Variants in ZFHX3 observed in about 807,000 individuals in gnomAD.
The protein encoded by ZFHX3 is zinc finger homeobox protein 3.
A neutral mutation model predicts 279.1 loss-of-function variants in ZFHX3; 42 were observed. The ratio of observed to expected loss-of-function variants is 0.15; its 90% CI spans 0.12 to 0.19. The LOEUF (loss-of-function observed/expected upper bound fraction) is 0.19. Ranked by LOEUF, ZFHX3 falls within the 10% of genes least tolerant of loss-of-function variation. ZFHX3 has a pLI of 1.00. For missense variants in ZFHX3, 4,981 were observed against 4,754.0 expected, an observed-to-expected ratio of 1.05 and a Z score of -1.40; for synonymous variants, 2,293 against 1,957.8, an observed-to-expected ratio of 1.17 and a Z score of -4.52.
intron 4 of ZFHX3, among the ~76,000 whole-genome samples, chr16:73,315,267 T>C (rs944315479): frequency 2.6e-5 from 4 of 151,258 alleles, no homozygotes; most frequent in African/African-American, 9.7e-5. Flanking sequence ...TCAAGTGACA[T>C]ATAATGATAC....
chr16:73,882,526 G>T (rs1013795367), intron 1 of ZFHX3, among the ~76,000 whole-genome samples: 2 of 151,550 alleles, frequency 1.3e-5, no homozygotes, highest in African/African-American at 2.4e-5. Context: ...TGAATTTATT[G>T]TGAGATTTCA....
intron 1 of ZFHX3, among the ~76,000 whole-genome samples, chr16:73,747,375 T>C (rs2053713886): frequency 6.6e-6 from 1 of 152,096 alleles, no homozygotes; most frequent in Admixed American, 6.6e-5. Flanking sequence ...AGAGTAAGAC[T>C]CTATCTCCAA....
At position 73,213,942 on chromosome 16, in the gene ZFHX3, C is replaced by T. The variant is rs539352453; in HGVS notation, c.-1104+43105G>A. 2.6e-4 allele frequency among the ~76,000 whole-genome samples: 39 copies of T among 152,288 alleles called. 1 individual carries two copies. The South Asian group carries it at 7.0e-3, about 27-fold the overall frequency. On this transcript the variant is annotated intron_variant, in intron 5 of 17. Transcript: ENST00000641206. ...CTCCAATCTGTAAGCCATCTGCACC[C>T]TTTATTATTAAGAACATATTTACCA... is the stretch of plus-strand genomic sequence containing the variant.
chr16:73,270,341 G>A (rs574990006), intron 4 of ZFHX3, among the ~76,000 whole-genome samples: 4 of 152,204 alleles, frequency 2.6e-5, no homozygotes, highest in East Asian at 3.9e-4. Flanking sequence ...TCTCTCCCAC[G>A]TGCTTAGAAA....
At chr16:73,366,510 T>G in intron 3 of ZFHX3, among the ~76,000 whole-genome samples, 1 of 151,362 alleles carries the variant, frequency 6.6e-6, no homozygotes. Flanking sequence ...GGCAGGAGGA[T>G]TGCTTGAGCC....
intron 4 of ZFHX3, among the ~76,000 whole-genome samples, chr16:72,865,636 G>C (rs2037999570): frequency 1.7e-3 from 1 of 604 alleles, no homozygotes; most frequent in African/African-American, 8.8e-3. Context: ...TACTGAGATG[G>C]AGGGTACCTC....
At chr16:73,106,228 C>A (rs909857193) in intron 7 of ZFHX3, among the ~76,000 whole-genome samples, 9 of 151,876 alleles carry the variant, frequency 5.9e-5, no homozygotes, top group Non-Finnish European at 8.8e-5. Context: ...TTTTTCCATG[C>A]CCACTGCTGG....
intron 1 of ZFHX3, among the ~76,000 whole-genome samples, chr16:73,056,799 C>T (rs1346148264): frequency 6.6e-6 from 1 of 152,196 alleles, no homozygotes; most frequent in African/African-American, 2.4e-5. Flanking sequence ...AATCTTCTCC[C>T]CTCGCCCACT....
chr16:73,559,324 G>T (rs185516210), intron 2 of ZFHX3, among the ~76,000 whole-genome samples: 1 of 151,998 alleles, frequency 6.6e-6, no homozygotes, highest in South Asian at 2.1e-4. Context: ...TTGGGATTAC[G>T]ATCATGAGCC....
Position 73,237,968 on chromosome 16 carries a change from G to T in ZFHX3, c.-1104+19079C>A, listed in dbSNP as rs560284974. ...TTTGCATCTCTACCCAGGGCTATCT[G>T]CTTTCATTCCTACTTTCCCATTAAA... On this transcript the variant is annotated intron_variant, in intron 5 of 17. Coordinates refer to the ZFHX3 transcript ENST00000641206. Among the ~76,000 whole-genome samples the T allele has an allele frequency of 2.0e-5, 3 of 152,176 alleles. 1 individual carries two copies. The Middle Eastern group carries it at 0.01, about 518-fold the overall frequency.
chr16:72,885,629 G>A (rs575506598), intron 4 of ZFHX3, among the ~76,000 whole-genome samples: 1 of 152,312 alleles, frequency 6.6e-6, no homozygotes, highest in East Asian at 1.9e-4. Context: ...CCTGCCTTAG[G>A]AGGAGACATC....
At chr16:72,992,246 G>C (rs950656015) in intron 1 of ZFHX3, among the ~76,000 whole-genome samples, 1 of 152,096 alleles carries the variant, frequency 6.6e-6, no homozygotes, top group Admixed American at 6.6e-5. Context: ...TTATGAGATG[G>C]GTTATCAGCC....
chr16:72,922,023 AG>A (rs1232748574), intron 3 of ZFHX3, among the ~76,000 whole-genome samples: 1 of 152,160 alleles, frequency 6.6e-6, no homozygotes, highest in Admixed American at 6.5e-5. Flanking sequence ...CCAGCCATGG[AG>A]GGGGTCTCAC....
chr16:73,486,888 A>C (rs1302555293), intron 2 of ZFHX3: 2 of 455,634 alleles, frequency 4.4e-6, no homozygotes, highest in Admixed American at 4.7e-5. Context: ...TCTTGCAAGA[A>C]ATTCACAGGT....
intron 5 of ZFHX3, among the ~76,000 whole-genome samples, chr16:73,166,647 T>A (rs562371308): frequency 7.2e-5 from 11 of 152,300 alleles, no homozygotes; most frequent in African/African-American, 1.7e-4. Context: ...GTGTGCTCCC[T>A]CTGATTTGGG....
chr16:73,087,150 T>A (rs950964857), intron 8 of ZFHX3, among the ~76,000 whole-genome samples: 1 of 152,210 alleles, frequency 6.6e-6, no homozygotes, highest in African/African-American at 2.4e-5. Context: ...TTAAAAAGTA[T>A]AATGAATACT....
intron 2 of ZFHX3, among the ~76,000 whole-genome samples, chr16:73,619,675 C>G (rs2052339485): frequency 6.6e-6 from 1 of 151,780 alleles, no homozygotes; most frequent in African/African-American, 2.4e-5. Context: ...TTCTGGATGC[C>G]CAGGCTTAAA....
rs143351192 is a variant in ZFHX3, at chr16:72,950,892, G to C, written c.2793C>G (p.Gly931=). 1.2e-6 allele frequency: 2 copies of C among 1,613,932 alleles called. No homozygotes were observed. Among genetic ancestry groups the C allele is most frequent in the Non-Finnish European group, 1.7e-6 (2 of 1,180,028 alleles). Residue 931 remains glycine, a synonymous_variant, in exon 3 of 10, where the codon GGC becomes GGG. Transcript: ENST00000268489. ...QLVSEELMNL[G]ESFIQTNDPS... ...GGTCGTTGGTCTGGATGAAGCTCTC[G>C]CCCAGGTTCATCAGCTCCTCTGACA...
chr16:73,518,373 A>G (rs747403460), intron 2 of ZFHX3, among the ~76,000 whole-genome samples: 61 of 152,328 alleles, frequency 4.0e-4, no homozygotes, highest in Admixed American at 9.8e-4. Flanking sequence ...TTATTTTCCC[A>G]TTAGTTCCTT....
Sources: allele counts gnomAD v4.1 joint callset (sites outside exome capture counted in the v4.1 genomes callset), GRCh38; gene constraint gnomAD v4.1.1; transcripts MANE v1.5; gene names NCBI Gene and HGNC (gene_info 2026-07-23, HGNC 2026-07-21).